Variants in CNNM4 observed in about 807,000 individuals in gnomAD.
The protein encoded by CNNM4 is metal transporter CNNM4.
In CNNM4, 32 loss-of-function variants were observed where a neutral mutation model predicts 53.7. The ratio of observed to expected loss-of-function variants is 0.60; its 90% CI spans 0.45 to 0.80. CNNM4 has a LOEUF of 0.80. CNNM4 is among the 30% of genes least tolerant of loss of function. The pLI is 0.00. For synonymous variants in CNNM4, 410 were observed against 440.0 expected, an observed-to-expected ratio of 0.93 and a Z score of 0.85; for missense variants, 784 against 1,022.0, an observed-to-expected ratio of 0.77 and a Z score of 3.17.
chr2:96,762,234 A>C lies in CNNM4; in HGVS notation c.1235A>C (p.Glu412Ala). The C allele has an allele frequency of 6.2e-7, 1 of 1,614,154 alleles. No individual in the cohort carries two copies. Among genetic ancestry groups the C allele is most frequent in the Non-Finnish European group, 8.5e-7 (1 of 1,180,028 alleles). Residue 412 changes from glutamate to alanine, a missense_variant, in exon 1 of 7, where the codon GAA (glutamate) becomes GCA (alanine). Coordinates refer to ENST00000377075, the MANE Select transcript of CNNM4 (RefSeq NM_020184.4). ...ESGYTRIPVF[E>A]DEQSNIVDIL... Reference sequence around the variant, plus strand: ...GGCTATACTCGCATCCCGGTGTTCGAAGACGAGCAGTCCAATATTGTAGAT... The same window carrying C: ...GGCTATACTCGCATCCCGGTGTTCGCAGACGAGCAGTCCAATATTGTAGAT...
chr2:96,808,623 ACAGACGTCT>A lies in CNNM4; in HGVS notation c.2014_2022del (p.Asp672_Ser674del), dbSNP rs1558998921. The A allele has an allele frequency of 3.1e-6, 5 of 1,614,076 alleles. No individual in the cohort carries two copies. The highest frequency in any genetic ancestry group is 4.2e-6 in the Non-Finnish European group (5 of 1,180,006). On this transcript the variant is annotated inframe_deletion, in exon 6 of 7. Coordinates refer to ENST00000377075, the MANE Select transcript of CNNM4 (RefSeq NM_020184.4). The surrounding 1 kb of genome is among the most constrained non-coding windows in gnomAD (Gnocchi z 4.9). ...AGCCTCCCTCAGTTACCCAGACCGC[ACAGACGTCT>A]CAACTGCAGCAACCTTGGCAGGCAG... is the stretch of plus-strand genomic sequence containing the variant.
chr2:96,762,548 T>C, intron 1 of CNNM4, 147 bp downstream of exon 1: 2 of 810,844 alleles, frequency 2.5e-6, no homozygotes, highest in Non-Finnish European at 4.1e-6. Context: ...AGGTGAACGA[T>C]TTTGGAGCGG....
At chr2:96,804,323 G>A (rs1156718265) in intron 5 of CNNM4, among the ~76,000 whole-genome samples, 19 of 144,474 alleles carry the variant, frequency 1.3e-4, no homozygotes, top group African/African-American at 4.7e-4. Context: ...TCCACTTCCC[G>A]GGTTCAAGTG....
At chr2:96,792,245 CAAAAA>C (rs541024962) in intron 1 of CNNM4, among the ~76,000 whole-genome samples, 10 of 51,300 alleles carry the variant, frequency 1.9e-4, no homozygotes, top group Non-Finnish European at 3.6e-4. Context: ...GACTCCAGCT[CAAAAA>C]AAAAAAAAAA....
intron 1 of CNNM4, among the ~76,000 whole-genome samples, chr2:96,776,036 T>C (rs888091329): frequency 6.7e-6 from 1 of 149,888 alleles, no homozygotes; most frequent in African/African-American, 2.5e-5. Context: ...GGTTTTTTTT[T>C]TTTTTTTTTT....
At position 96,777,794 on chromosome 2, in the gene CNNM4, G is replaced by A. The variant is rs914346671; in HGVS notation, c.1402+15393G>A. Among the ~76,000 whole-genome samples, 2 of 151,282 alleles carry A rather than the reference G, an allele frequency of 1.3e-5. 1 individual carries two copies. The highest frequency in any genetic ancestry group is 3.9e-4 in the East Asian group (2 of 5,158). On this transcript the variant is annotated intron_variant, in intron 1 of 6. Transcript: ENST00000377075. ...TGGGATTACAGGAGTGAGCCACCAC[G>A]CCTGGCCAACTTTGTGTATTTTTTG...
intron 1 of CNNM4, among the ~76,000 whole-genome samples, chr2:96,795,933 C>T (rs114404965): frequency 0.058 from 8,788 of 152,120 alleles, 869 homozygotes; most frequent in African/African-American, 0.2. Context: ...AGACCCACCA[C>T]CCCACAGGGT....
chr2:96,782,198 T>C (rs1690039699), intron 1 of CNNM4, among the ~76,000 whole-genome samples: 1 of 152,130 alleles, frequency 6.6e-6, no homozygotes, highest in African/African-American at 2.4e-5. Context: ...CCCAGCACTT[T>C]GGGAGGCTGA....
intron 5 of CNNM4, among the ~76,000 whole-genome samples, chr2:96,802,242 C>T (rs1381155314): frequency 6.6e-6 from 1 of 152,120 alleles, no homozygotes; most frequent in African/African-American, 2.4e-5. Flanking sequence ...AACACAACCA[C>T]AGACACACAC....
At chr2:96,799,337 C>A in intron 4 of CNNM4, 111 bp downstream of exon 4, 3 of 1,440,446 alleles carry the variant, frequency 2.1e-6, no homozygotes, top group Non-Finnish European at 1.9e-6. Flanking sequence ...GCCTGGGGAG[C>A]CTGCTGCCTG....
In CNNM4 at chr2:96,800,451, C is replaced by G. The variant is rs1270813489; in HGVS notation, c.1948+803C>G. Among the ~76,000 whole-genome samples, 2 of 152,250 alleles carry G rather than the reference C, an allele frequency of 1.3e-5. No homozygotes were observed. The highest frequency in any genetic ancestry group is 4.8e-5 in the African/African-American group (2 of 41,466). ...CCCAGAGAACCTCTGTGCTGTGCCT[C>G]TCACTGTCCTTTGACAAAAAGGACC... On this transcript the variant is annotated intron_variant, in intron 5 of 6. Transcript: ENST00000377075. This position sits in a 1 kb window ranked among gnomAD's most constrained non-coding sequence, Gnocchi z 4.6.
chr2:96,806,140 A>G (rs1452517882), intron 5 of CNNM4, among the ~76,000 whole-genome samples: 1 of 139,862 alleles, frequency 7.1e-6, no homozygotes, highest in Non-Finnish European at 1.5e-5. Context: ...TGACCCCCCC[A>G]CCGCCCTCCC....
At chr2:96,788,081 C>A (rs2079029942) in intron 1 of CNNM4, among the ~76,000 whole-genome samples, 1 of 152,002 alleles carries the variant, frequency 6.6e-6, no homozygotes, top group Admixed American at 6.6e-5. Flanking sequence ...TGCCACCATG[C>A]CTAACTGATT....
rs2153341942 is a variant in CNNM4 at position 96,762,158 on chromosome 2, C to T, written c.1159C>T (p.Arg387Cys). The T allele has an allele frequency of 6.2e-7, 1 of 1,614,056 alleles. No homozygotes were observed. Among genetic ancestry groups the T allele is most frequent in the South Asian group, 1.1e-5 (1 of 91,070 alleles). ...MTQLQDCFMI[R>C]SDAILDFNTM... ...CCAGCTCCAGGACTGCTTCATGATC[C>T]GCAGCGATGCCATCCTGGACTTCAA... Residue 387 changes from arginine to cysteine, a missense_variant, in exon 1 of 7, where the codon CGC becomes TGC. Around this residue, in one of 3 missense-constraint regions of CNNM4, gnomAD observed 473 missense variants for 624.6 expected, o/e 0.76. Coordinates refer to ENST00000377075, the MANE Select transcript of CNNM4 (RefSeq NM_020184.4).
At position 96,800,768 on chromosome 2, in the gene CNNM4, A is replaced by T. The variant is rs890054622; in HGVS notation, c.1948+1120A>T. Among the ~76,000 whole-genome samples the T allele has an allele frequency of 2.6e-5, 4 of 152,214 alleles. No homozygotes were observed. The highest frequency in any genetic ancestry group is 9.6e-5 in the African/African-American group (4 of 41,464). On this transcript the variant is annotated intron_variant, in intron 5 of 6. Coordinates refer to ENST00000377075, the MANE Select transcript of CNNM4 (RefSeq NM_020184.4). The surrounding 1 kb of genome is among the most constrained non-coding windows in gnomAD (Gnocchi z 4.6). Reference sequence around the variant, plus strand: ...CCCCCAGGCACTGTTTGTGCAGTGAAGCCTCAGAGGCCCGGTTAGGGCCCA... The same window carrying T: ...CCCCCAGGCACTGTTTGTGCAGTGATGCCTCAGAGGCCCGGTTAGGGCCCA...
Position 96,801,184 on chromosome 2 carries a change from C to T in CNNM4, c.1948+1536C>T, listed in dbSNP as rs1041617436. 4.4e-6 allele frequency: 4 copies of T among 919,058 alleles called. No homozygotes were observed. The highest frequency in any genetic ancestry group is 5.2e-6 in the Non-Finnish European group (4 of 769,294). 56.9% of individuals were successfully genotyped at this position (919,058 alleles called of 1,614,324 possible). On this transcript the variant is annotated intron_variant, in intron 5 of 6. Transcript: ENST00000377075. This position sits in a 1 kb window ranked among gnomAD's most constrained non-coding sequence, Gnocchi z 5.6. ...CGCTGCCACCTGCTGCCTGTGCCTG[C>T]ACACTGCAGCTGCATTAACCTCCCC... is the stretch of plus-strand genomic sequence containing the variant.
At chr2:96,807,918 T>C (rs1448649296) in intron 5 of CNNM4, among the ~76,000 whole-genome samples, 1 of 152,022 alleles carries the variant, frequency 6.6e-6, no homozygotes, top group Non-Finnish European at 1.5e-5. Context: ...AGACAGAGTC[T>C]TGCTCTGTCA....
At chr2:96,782,080 GA>G (rs1435896647) in intron 1 of CNNM4, among the ~76,000 whole-genome samples, 2 of 152,138 alleles carry the variant, frequency 1.3e-5, no homozygotes, top group Admixed American at 1.3e-4. Context: ...AACCGGAGTA[GA>G]ACTAACTTAG....
intron 1 of CNNM4, among the ~76,000 whole-genome samples, chr2:96,792,676 C>T (rs528920670): frequency 7.6e-4 from 115 of 152,064 alleles, no homozygotes; most frequent in Non-Finnish European, 4.1e-4. Flanking sequence ...TGGTGGCGGG[C>T]GCCTGTAATC....
Sources: gnomAD v4.1 joint callset for allele counts (sites outside exome capture counted in the v4.1 genomes callset) on GRCh38, gnomAD v4.1.1 for gene constraint, gnomAD v4.1.1 regional missense constraint, Gnocchi (gnomAD v3.1) non-coding constraint, MANE v1.5 for transcripts, NCBI Gene and HGNC (gene_info 2026-07-23, HGNC 2026-07-21) for gene names.